The following LYRM4 variants were observed in gnomAD, a reference collection of about 807,000 sequenced individuals.
LYRM4 encodes the protein LYR motif-containing protein 4.
In LYRM4, 9 loss-of-function variants were observed where a neutral mutation model predicts 11.7. That is an observed-to-expected ratio of 0.77 (90% CI 0.46 to 1.34). The LOEUF (loss-of-function observed/expected upper bound fraction) is 1.34. Ranked by LOEUF, LYRM4 falls within the 40% of genes most tolerant of loss-of-function variation. The pLI is 0.00. For synonymous variants in LYRM4, 42 were observed against 40.4 expected (o/e 1.04, Z -0.15); for missense variants, 133 against 112.5 (o/e 1.18, Z -0.82).
intron 2 of LYRM4, among the ~76,000 whole-genome samples, chr6:5,154,864 C>G (rs183246805): frequency 6.6e-6 from 1 of 152,256 alleles, no homozygotes; most frequent in Non-Finnish European, 1.5e-5. Context: ...GGCGGATTCA[C>G]AAAGGTGCAG....
intron 2 of LYRM4, among the ~76,000 whole-genome samples, chr6:5,120,107 G>C (rs953262811): frequency 6.6e-6 from 1 of 152,038 alleles, no homozygotes; most frequent in Non-Finnish European, 1.5e-5. Flanking sequence ...ATATTGGCCA[G>C]GCTGGTCATC....
At chr6:5,160,959 G>C (rs1758725062) in intron 2 of LYRM4, among the ~76,000 whole-genome samples, 2 of 152,208 alleles carry the variant, frequency 1.3e-5, no homozygotes, top group African/African-American at 4.8e-5. Flanking sequence ...TAGAAAGTCA[G>C]TCACAGTCTA....
At chr6:5,150,465 T>C (rs527270464) in intron 2 of LYRM4, among the ~76,000 whole-genome samples, 2 of 152,302 alleles carry the variant, frequency 1.3e-5, no homozygotes, top group African/African-American at 4.8e-5. Context: ...AGGTACTTTC[T>C]ATGCAAATGG....
intron 2 of LYRM4, among the ~76,000 whole-genome samples, chr6:5,195,661 C>T (rs1408983093): frequency 1.3e-5 from 2 of 151,966 alleles, no homozygotes; most frequent in African/African-American, 4.8e-5. Flanking sequence ...AACAAAGAAC[C>T]CCCACAGTAT....
intron 2 of LYRM4, among the ~76,000 whole-genome samples, chr6:5,166,137 GTGTT>G (rs1254389041): frequency 6.6e-6 from 1 of 152,176 alleles, no homozygotes; most frequent in Non-Finnish European, 1.5e-5. Context: ...ATGCTGTTCT[GTGTT>G]TGTATTTACC....
chr6:5,046,500 G>A, the LYRM4 span, among the ~76,000 whole-genome samples: 2 of 152,082 alleles, frequency 1.3e-5, no homozygotes, highest in South Asian at 2.1e-4. Context: ...AGTCTCTCGC[G>A]TGGCTGCCGT....
intron 2 of LYRM4, among the ~76,000 whole-genome samples, chr6:5,191,594 G>A (rs1760759188): frequency 6.6e-6 from 1 of 152,086 alleles, no homozygotes; most frequent in Non-Finnish European, 1.5e-5. Flanking sequence ...ATTAAAACGG[G>A]CCCTAGTGTG....
intron 1 of LYRM4, among the ~76,000 whole-genome samples, chr6:5,253,896 C>T (rs532578835): frequency 1.3e-5 from 2 of 151,530 alleles, no homozygotes; most frequent in African/African-American, 4.8e-5. Flanking sequence ...AACAATGAAC[C>T]ATTTCTCGAT....
chr6:5,126,603 A>G (rs897486496), intron 2 of LYRM4, among the ~76,000 whole-genome samples: 2 of 152,256 alleles, frequency 1.3e-5, no homozygotes, highest in African/African-American at 4.8e-5. Flanking sequence ...CTGATGAACA[A>G]ATAAATAAAA....
chr6:5,086,530 C>G, the LYRM4 span: 8 of 1,531,582 alleles, frequency 5.2e-6, no homozygotes, highest in African/African-American at 9.6e-5. Context: ...CAACTACACG[C>G]TGCGCTACGC....
intron 2 of LYRM4, among the ~76,000 whole-genome samples, chr6:5,199,270 A>G (rs929165565): frequency 6.6e-5 from 10 of 152,240 alleles, no homozygotes; most frequent in African/African-American, 2.2e-4. Context: ...TGAACCTTGC[A>G]AACATTACGC....
the LYRM4 span, among the ~76,000 whole-genome samples, chr6:5,047,716 A>G: frequency 6.6e-6 from 1 of 152,364 alleles, no homozygotes; most frequent in Admixed American, 6.5e-5. Flanking sequence ...TATTCAAAAA[A>G]CCAACAATTT....
rs375234856 is a variant in LYRM4 at position 5,236,133 on chromosome 6, T to C, written c.87-19395A>G. 3.2e-4 allele frequency among the ~76,000 whole-genome samples: 48 copies of C among 152,306 alleles called. No homozygotes were observed. The South Asian group carries it at 7.7e-3, about 24-fold the overall frequency. On this transcript the variant is annotated intron_variant, in intron 1 of 2. Transcript: ENST00000330636. The stretch of plus-strand genomic sequence containing the variant: ...TAATAAACAAGTGGAGTGATGTTAA[T>C]AGACAATGGCTGTAAGCTCAAAATA...
the LYRM4 span, among the ~76,000 whole-genome samples, chr6:5,035,931 T>G: frequency 6.7e-6 from 1 of 150,072 alleles, no homozygotes; most frequent in Non-Finnish European, 1.5e-5. Flanking sequence ...GCCTATTTAA[T>G]TGATTTGATG....
In LYRM4 at chr6:5,138,536, T is replaced by G. The variant is rs140647659; in HGVS notation, c.208-29045A>C. On this transcript the variant is annotated intron_variant, in intron 2 of 2. Coordinates refer to ENST00000330636, the MANE Select transcript of LYRM4 (RefSeq NM_020408.6). The stretch of plus-strand genomic sequence containing the variant: ...AAAAAAAATCGATAGTTTTTCTTAC[T>G]TAAAGAATTTTTATCAGTAGCCAGT... Among the ~76,000 whole-genome samples, 548 of 139,742 alleles carry G rather than the reference T, an allele frequency of 3.9e-3. 2 individuals are homozygous for G. Among genetic ancestry groups the G allele is most frequent in the African/African-American group, 0.014 (520 of 37,438 alleles). 91.7% of individuals were successfully genotyped at this position (139,742 alleles called of 152,430 possible). A position where few individuals can be genotyped will look rare whatever the true frequency, so the allele number is the denominator to read the frequency against.
chr6:5,077,766 G>T, the LYRM4 span, among the ~76,000 whole-genome samples: 1 of 152,030 alleles, frequency 6.6e-6, no homozygotes, highest in African/African-American at 2.4e-5. Flanking sequence ...AATATTCTAA[G>T]AATTTTATTA....
At chr6:5,254,907 A>C (rs1764597561) in intron 1 of LYRM4, among the ~76,000 whole-genome samples, 1 of 152,066 alleles carries the variant, frequency 6.6e-6, no homozygotes, top group African/African-American at 2.4e-5. Context: ...TGGAGGGGGT[A>C]TCTCTACTCA....
chr6:5,090,524 C>G, the LYRM4 span, among the ~76,000 whole-genome samples: 1 of 152,336 alleles, frequency 6.6e-6, no homozygotes, highest in African/African-American at 2.4e-5. The surrounding 1 kb of genome is among the most constrained non-coding windows in gnomAD (Gnocchi z 4.8). Context: ...AGCCACGGCT[C>G]AGGCAGCCTT....
At position 5,109,325 on chromosome 6, in the gene LYRM4, A is replaced by G. The variant is rs1762770347; in HGVS notation, c.*98T>C. The G allele has an allele frequency of 6.3e-7, 1 of 1,587,112 alleles. No individual in the cohort carries two copies. The highest frequency in any genetic ancestry group is 8.6e-7 in the Non-Finnish European group (1 of 1,160,992). ...AGCTCCCACAGGACAGGCAGCGCAAAAGGCTATTGTAAGCTGGTTTTGGGA... is the reference window on the plus strand; with the variant it reads ...AGCTCCCACAGGACAGGCAGCGCAAGAGGCTATTGTAAGCTGGTTTTGGGA... On this transcript the variant is annotated 3_prime_UTR_variant, in exon 3 of 3. Transcript: ENST00000330636.
Sources: gnomAD v4.1 joint callset for allele counts (sites outside exome capture counted in the v4.1 genomes callset) on GRCh38, gnomAD v4.1.1 for gene constraint, Gnocchi (gnomAD v3.1) non-coding constraint, MANE v1.5 for transcripts, NCBI Gene and HGNC (gene_info 2026-07-23, HGNC 2026-07-21) for gene names.